ZDHHC21: variants seen among roughly 807,000 people sequenced by gnomAD.
ZDHHC21 encodes zDHHC palmitoyltransferase 21, also known as palmitoyltransferase ZDHHC21.
ZDHHC21 carries 15 observed loss-of-function variants against 34.6 expected under a neutral mutation model. That is an observed-to-expected ratio of 0.43 (90% CI 0.29 to 0.67). The LOEUF is 0.67. Ranked by LOEUF, ZDHHC21 falls within the 30% of genes least tolerant of loss-of-function variation. The probability of loss-of-function intolerance (pLI) is 0.14; values close to 1 mark genes in which losing one functional copy is unlikely to be tolerated. For missense variants in ZDHHC21, 344 were observed against 327.7 expected (o/e 1.05, Z -0.38); for synonymous variants, 142 against 101.8 (o/e 1.40, Z -2.38).
In ZDHHC21 at chr9:14,672,635, G is replaced by A. The variant is rs141571760; in HGVS notation, c.253+195C>T. On this transcript the variant is annotated intron_variant, in intron 5 of 9. Transcript: ENST00000380916. ...ATACAGAAGCCAAGAGATGGGGTGTGGTGAAACTGCCGGGGTGCAGGGGGA... is the reference window on the plus strand; with the variant it reads ...ATACAGAAGCCAAGAGATGGGGTGTAGTGAAACTGCCGGGGTGCAGGGGGA... Among the ~76,000 whole-genome samples, 482 of 152,084 alleles carry A rather than the reference G, an allele frequency of 3.2e-3. 13 individuals are homozygous for A. Among genetic ancestry groups the A allele is most frequent in the Admixed American group, 0.029 (448 of 15,232 alleles).
At chr9:14,685,967 A>C (rs927535419) in intron 2 of ZDHHC21, among the ~76,000 whole-genome samples, 1 of 151,640 alleles carries the variant, frequency 6.6e-6, no homozygotes, top group Non-Finnish European at 1.5e-5. Flanking sequence ...AGAAAACCAA[A>C]CACCACATGT....
intron 1 of ZDHHC21, among the ~76,000 whole-genome samples, chr9:14,692,441 C>T (rs962880864): frequency 6.6e-6 from 1 of 152,098 alleles, no homozygotes; most frequent in African/African-American, 2.4e-5. Flanking sequence ...CCACAATGAC[C>T]TTGATTTTTT....
At chr9:14,627,793 A>G (rs1826555861) in intron 8 of ZDHHC21, among the ~76,000 whole-genome samples, 1 of 152,152 alleles carries the variant, frequency 6.6e-6, no homozygotes, top group Non-Finnish European at 1.5e-5. Flanking sequence ...GACAAATACA[A>G]TCACCCAGCA....
intron 8 of ZDHHC21, among the ~76,000 whole-genome samples, chr9:14,622,843 G>C (rs1825541172): frequency 6.6e-6 from 1 of 152,082 alleles, no homozygotes; most frequent in Non-Finnish European, 1.5e-5. Context: ...CCTGAGGAAA[G>C]TAAGAAAATT....
At chr9:14,689,460 C>T (rs1328519897) in intron 2 of ZDHHC21, among the ~76,000 whole-genome samples, 2 of 152,168 alleles carry the variant, frequency 1.3e-5, no homozygotes, top group Non-Finnish European at 2.9e-5. Context: ...AATACTTGCA[C>T]TATCAATGGT....
intron 7 of ZDHHC21, among the ~76,000 whole-genome samples, chr9:14,655,249 C>A (rs1197141790): frequency 1.3e-5 from 2 of 151,932 alleles, no homozygotes; most frequent in Non-Finnish European, 2.9e-5. Context: ...ATCTACAATT[C>A]TGTGCCAAAC....
At chr9:14,602,531 C>CA in the ZDHHC21 span, among the ~76,000 whole-genome samples, 1 of 151,644 alleles carries the variant, frequency 6.6e-6, no homozygotes, top group Non-Finnish European at 1.5e-5. Context: ...CCAATGCACA[C>CA]ACCATATAGT....
At chr9:14,683,147 C>A (rs1053839942) in intron 2 of ZDHHC21, among the ~76,000 whole-genome samples, 4 of 152,022 alleles carry the variant, frequency 2.6e-5, no homozygotes, top group African/African-American at 9.7e-5. Flanking sequence ...AGAGCAAACA[C>A]ATTCAAAAGC....
chr9:14,678,867 G>T (rs532498292), intron 3 of ZDHHC21, among the ~76,000 whole-genome samples: 2 of 152,128 alleles, frequency 1.3e-5, no homozygotes, highest in East Asian at 1.9e-4. Context: ...AAAGAAGGCA[G>T]ATTTAGATCT....
At chr9:14,646,854 G>C (rs533104041) in intron 7 of ZDHHC21, among the ~76,000 whole-genome samples, 1 of 151,414 alleles carries the variant, frequency 6.6e-6, no homozygotes, top group South Asian at 2.1e-4. Flanking sequence ...CTATTTATTT[G>C]TTGTTTTGTC....
chr9:14,591,613 A>G, the ZDHHC21 span, among the ~76,000 whole-genome samples: 1 of 152,208 alleles, frequency 6.6e-6, no homozygotes, highest in African/African-American at 2.4e-5. Flanking sequence ...TAAATGGCTT[A>G]AGTCAGCAGT....
At chr9:14,643,138 T>A (rs1829669812) in intron 7 of ZDHHC21, among the ~76,000 whole-genome samples, 1 of 152,062 alleles carries the variant, frequency 6.6e-6, no homozygotes, top group South Asian at 2.1e-4. Context: ...TCACAGCTAC[T>A]AGGCGGGGCT....
chr9:14,661,535 T>A (rs930020667), intron 6 of ZDHHC21, among the ~76,000 whole-genome samples: 2 of 152,210 alleles, frequency 1.3e-5, no homozygotes, highest in Non-Finnish European at 2.9e-5. Flanking sequence ...AAATACAATA[T>A]CTTGTTCACA....
chr9:14,637,081 TA>T (rs1002992454), intron 8 of ZDHHC21, among the ~76,000 whole-genome samples: 1 of 150,864 alleles, frequency 6.6e-6, no homozygotes, highest in Non-Finnish European at 1.5e-5. Flanking sequence ...CAAAAGAGAC[TA>T]AAAAAAATAT....
At chr9:14,691,613 T>G (rs1563763054) in intron 1 of ZDHHC21, among the ~76,000 whole-genome samples, 1 of 152,334 alleles carries the variant, frequency 6.6e-6, no homozygotes, top group East Asian at 1.9e-4. Flanking sequence ...AAGTACCTCG[T>G]AGGCAAAAGT....
At chr9:14,607,605 G>A (rs921528364), downstream of ZDHHC21, among the ~76,000 whole-genome samples, 9 of 149,740 alleles carry the variant, frequency 6.0e-5, no homozygotes, top group African/African-American at 2.2e-4. Context: ...TCTAGACGGT[G>A]ATAAGTGCTA....
chr9:14,693,122 C>G (rs1443428504), intron 1 of ZDHHC21, 107 bp downstream of exon 1: 1 of 188,452 alleles, frequency 5.3e-6, no homozygotes, highest in Non-Finnish European at 1.0e-5. Context: ...CGCGGAGGAG[C>G]GGCGGGCGGG....
intron 7 of ZDHHC21, among the ~76,000 whole-genome samples, chr9:14,645,773 T>C (rs1830186842): frequency 1.3e-5 from 2 of 152,258 alleles, no homozygotes; most frequent in Admixed American, 1.3e-4. Flanking sequence ...AGGCACACTT[T>C]GCCAAATAGG....
rs566064853 is a variant in ZDHHC21 at position 14,653,217 on chromosome 9, C to T, written c.504+5532G>A. Among the ~76,000 whole-genome samples the T allele has an allele frequency of 2.4e-4, 37 of 152,030 alleles. 1 individual carries two copies. In the South Asian group the frequency reaches 7.5e-3, roughly 31 times the overall value. ...CACATAGTTTTATACACATAATCAA[C>T]AGCTGGATACAGATTTTTGCTTGTT... is the stretch of plus-strand genomic sequence containing the variant. On this transcript the variant is annotated intron_variant, in intron 7 of 9. Coordinates refer to ENST00000380916, the MANE Select transcript of ZDHHC21 (RefSeq NM_178566.6).
Sources: allele counts gnomAD v4.1 joint callset (sites outside exome capture counted in the v4.1 genomes callset), GRCh38; gene constraint gnomAD v4.1.1; transcripts MANE v1.5; gene names NCBI Gene and HGNC (gene_info 2026-07-23, HGNC 2026-07-21).